DCC: variants seen among roughly 807,000 people sequenced by gnomAD.
The protein encoded by DCC is netrin receptor DCC.
DCC carries 58 observed loss-of-function variants against 172.5 expected under a neutral mutation model. The observed-to-expected ratio is 0.34, with a 90% CI of 0.27 to 0.42. The LOEUF (loss-of-function observed/expected upper bound fraction) is 0.42. Among genes scored for constraint, DCC ranks in the 10% least tolerant of loss-of-function variants. DCC has a pLI of 1.00. For missense variants in DCC, 1,740 were observed against 1,791.0 expected (o/e 0.97, Z 0.51); for synonymous variants, 709 against 644.5 (o/e 1.10, Z -1.52).
chr18:52,752,314 G>A lies in DCC; in HGVS notation c.352G>A (p.Glu118Lys), dbSNP rs371102044. ...GCCAGATGAGGGACTTTACCAATGT[G>A]AGGCATCTTTAGGAGATTCTGGCTC... The part of the protein sequence containing the change: ...HKPDEGLYQC[E>K]ASLGDSGSII... Residue 118 changes from glutamate to lysine, a missense_variant, in exon 2 of 29, where the codon GAG becomes AAG. By Grantham distance (56) the Glu-to-Lys change is moderately conservative. This residue lies in a region of DCC where 1,732 missense variants were observed against 1,767.4 expected (regional missense o/e 0.98). Coordinates refer to ENST00000442544, the MANE Select transcript of DCC (RefSeq NM_005215.4). The A allele has an allele frequency of 2.5e-6, 4 of 1,614,064 alleles. No individual in the cohort carries two copies. The African/African-American group carries it at 5.3e-5, about 22-fold the overall frequency.
At position 53,468,122 on chromosome 18, in the gene DCC, C is replaced by A; in HGVS notation, c.3736+112C>A. 3 of 719,042 alleles carry A rather than the reference C, an allele frequency of 4.2e-6. No homozygotes were observed. In the South Asian group the frequency reaches 4.4e-5, roughly 11 times the overall value. 44.5% of individuals were successfully genotyped at this position (719,042 alleles called of 1,614,324 possible). On this transcript the variant is annotated intron_variant, in intron 25 of 28. Coordinates refer to ENST00000442544, the MANE Select transcript of DCC (RefSeq NM_005215.4). ...TATAATTTTCCCTGAACTTTCTGGA[C>A]AAATGGAAATGAGGAATGACTAAAA... is the stretch of plus-strand genomic sequence containing the variant.
At chr18:52,601,257 C>A (rs62083415) in intron 1 of DCC, among the ~76,000 whole-genome samples, 1 of 151,806 alleles carries the variant, frequency 6.6e-6, no homozygotes, top group African/African-American at 2.4e-5. Context: ...ATCTATTATA[C>A]ATGTGTCTTT....
At chr18:53,271,669 G>T (rs144385965) in intron 12 of DCC, among the ~76,000 whole-genome samples, 1 of 152,068 alleles carries the variant, frequency 6.6e-6, no homozygotes. Flanking sequence ...AACTCAAGCC[G>T]GAAGCTATCT....
chr18:52,998,163 T>G (rs997693924), intron 5 of DCC, among the ~76,000 whole-genome samples: 2 of 152,116 alleles, frequency 1.3e-5, no homozygotes, highest in African/African-American at 4.8e-5. Context: ...AGTGGCCATA[T>G]GTGGCTAGTG....
chr18:52,978,221 G>C (rs2041154394), intron 5 of DCC, among the ~76,000 whole-genome samples: 1 of 152,086 alleles, frequency 6.6e-6, no homozygotes, highest in Non-Finnish European at 1.5e-5. Context: ...TATCACACGA[G>C]AAAGACAGTG....
Position 52,927,096 on chromosome 18 carries a change from C to CGTGTATACGT in DCC, c.985+1733_985+1734insCGTGTGTATA, listed in dbSNP as rs1568192004. Among the ~76,000 whole-genome samples the CGTGTATACGT allele has an allele frequency of 6.7e-5, 7 of 105,238 alleles. 1 individual carries two copies. The highest frequency in any genetic ancestry group is 1.4e-4 in the Non-Finnish European group (7 of 50,092). The allele number at this position is 105,238 out of a possible 152,430, so 69.0% of individuals were successfully genotyped here. On this transcript the variant is annotated intron_variant, in intron 5 of 28. Coordinates refer to ENST00000442544, the MANE Select transcript of DCC (RefSeq NM_005215.4). ...ATATATGTGTATATACACGTATATACGTGTATATACACGTATATACGTGTA... is the reference window on the plus strand; with the variant it reads ...ATATATGTGTATATACACGTATATACGTGTATACGTGTGTATATACACGTATATACGTGTA...
chr18:52,816,242 T>C (rs1212812193), intron 2 of DCC, among the ~76,000 whole-genome samples: 1 of 152,204 alleles, frequency 6.6e-6, no homozygotes, highest in Non-Finnish European at 1.5e-5. Flanking sequence ...GCCATTGTCA[T>C]GCAGGAAAAA....
chr18:52,560,453 A>G (rs1220615559), intron 1 of DCC, among the ~76,000 whole-genome samples: 7 of 152,204 alleles, frequency 4.6e-5, no homozygotes, highest in Admixed American at 3.9e-4. Flanking sequence ...CTCTGGTTAA[A>G]CTGAATACCC....
At position 52,752,188 on chromosome 18, in the gene DCC, A is replaced by G; in HGVS notation, c.226A>G (p.Lys76Glu). The G allele has an allele frequency of 6.2e-7, 1 of 1,614,182 alleles. No individual in the cohort carries two copies. The highest frequency in any genetic ancestry group is 8.5e-7 in the Non-Finnish European group (1 of 1,180,038). ...AGGAGTTCCAGTGATCAAGTGGAAGAAAGATGGCATTCATCTGGCCTTGGG... is the reference window on the plus strand; with the variant it reads ...AGGAGTTCCAGTGATCAAGTGGAAGGAAGATGGCATTCATCTGGCCTTGGG... ...DRGVPVIKWKKDGIHLALGMD... is the reference protein window; with the variant it reads ...DRGVPVIKWKEDGIHLALGMD... The change falls in exon 2 of 29, where the codon AAA (lysine) becomes GAA (glutamate). Residue 76 changes from lysine (K) to glutamate (E), a missense_variant. Physicochemically the swap from Lys to Glu is moderately conservative, Grantham distance 56. Transcript: ENST00000442544.
intron 15 of DCC, among the ~76,000 whole-genome samples, chr18:53,377,341 A>T (rs1907362077): frequency 7.6e-6 from 1 of 132,340 alleles, no homozygotes; most frequent in African/African-American, 2.8e-5. Context: ...AAGGACAAGA[A>T]AAGATGCATT....
chr18:52,703,219 TA>T (rs1174603257), intron 1 of DCC, among the ~76,000 whole-genome samples: 3 of 152,162 alleles, frequency 2.0e-5, no homozygotes, highest in South Asian at 2.1e-4. Flanking sequence ...CACTCCCACT[TA>T]AAAACAAAAT....
intron 1 of DCC, among the ~76,000 whole-genome samples, chr18:52,561,631 T>G (rs1348743030): frequency 6.6e-6 from 1 of 152,154 alleles, no homozygotes; most frequent in Non-Finnish European, 1.5e-5. Context: ...GTAACTATTG[T>G]GAGGATTCCC....
chr18:52,808,712 A>G (rs964963218), intron 2 of DCC, among the ~76,000 whole-genome samples: 6 of 152,162 alleles, frequency 3.9e-5, no homozygotes, highest in Middle Eastern at 3.2e-3. Context: ...TCCTTGCTTT[A>G]ATCATATTAT....
At chr18:53,202,010 A>G (rs1456694684) in intron 9 of DCC, among the ~76,000 whole-genome samples, 1 of 152,204 alleles carries the variant, frequency 6.6e-6, no homozygotes, top group African/African-American at 2.4e-5. Flanking sequence ...GTATATGTAT[A>G]TAAACATTTG....
At chr18:53,085,311 C>T (rs1020531912) in intron 7 of DCC, among the ~76,000 whole-genome samples, 5 of 151,990 alleles carry the variant, frequency 3.3e-5, no homozygotes, top group Admixed American at 1.3e-4. Flanking sequence ...GCAAGAAAAC[C>T]AGTATGAACC....
intron 7 of DCC, among the ~76,000 whole-genome samples, chr18:53,091,779 G>T (rs2043012201): frequency 6.6e-6 from 1 of 151,822 alleles, no homozygotes; most frequent in South Asian, 2.1e-4. Context: ...GAATATGAAT[G>T]TTACGTTCAG....
intron 27 of DCC, among the ~76,000 whole-genome samples, chr18:53,503,222 A>G (rs1156597342): frequency 6.6e-6 from 1 of 152,202 alleles, no homozygotes; most frequent in Non-Finnish European, 1.5e-5. Context: ...CAATATTTTT[A>G]TAGTAAGCAG....
intron 9 of DCC, among the ~76,000 whole-genome samples, chr18:53,192,373 A>G (rs1000865017): frequency 4.6e-5 from 7 of 152,164 alleles, no homozygotes; most frequent in Admixed American, 6.6e-5. Flanking sequence ...AGAAAGAGTG[A>G]GAAAAATTCC....
chr18:53,119,128 C>T (rs146770525), intron 7 of DCC, among the ~76,000 whole-genome samples: 3 of 151,734 alleles, frequency 2.0e-5, no homozygotes, highest in Non-Finnish European at 2.9e-5. Context: ...TGAGGTATCA[C>T]AAAGCTTTGT....
Sources: gnomAD v4.1 joint callset for allele counts (sites outside exome capture counted in the v4.1 genomes callset) on GRCh38, gnomAD v4.1.1 for gene constraint, gnomAD v4.1.1 regional missense constraint, MANE v1.5 for transcripts, NCBI Gene and HGNC (gene_info 2026-07-23, HGNC 2026-07-21) for gene names.